The following LTBP1 variants were observed in gnomAD, a reference collection of about 807,000 sequenced individuals.
LTBP1 encodes the protein latent-transforming growth factor beta-binding protein 1.
In LTBP1, 129 loss-of-function variants were observed where a neutral mutation model predicts 207.6. The ratio of observed to expected loss-of-function variants is 0.62; its 90% CI spans 0.54 to 0.72. The LOEUF is 0.72. Among genes scored for constraint, LTBP1 ranks in the 30% least tolerant of loss-of-function variants. The pLI is 0.00. For synonymous variants in LTBP1, 963 were observed against 833.7 expected (o/e 1.16, Z -2.67); for missense variants, 2,281 against 2,217.2 (o/e 1.03, Z -0.58).
intron 32 of LTBP1, among the ~76,000 whole-genome samples, chr2:33,393,234 CTTTT>C (rs569734292): frequency 0.12 from 5,664 of 48,818 alleles, 132 homozygotes; most frequent in African/African-American, 0.16. Context: ...CCTTCTTCTT[CTTTT>C]TTTTTTTTTT....
intron 26 of LTBP1, among the ~76,000 whole-genome samples, chr2:33,351,282 A>G (rs1055111327): frequency 1.3e-5 from 2 of 152,200 alleles, no homozygotes; most frequent in African/African-American, 2.4e-5. Context: ...CCAGAGAAAC[A>G]TCTGAAATGT....
At chr2:33,264,126 G>A (rs2093104414) in intron 15 of LTBP1, among the ~76,000 whole-genome samples, 1 of 151,048 alleles carries the variant, frequency 6.6e-6, no homozygotes, top group South Asian at 2.1e-4. Context: ...CCTGGTGGCA[G>A]GCATCTGTAG....
chr2:33,176,051 T>C (rs1196881226), intron 5 of LTBP1, among the ~76,000 whole-genome samples: 1 of 151,300 alleles, frequency 6.6e-6, no homozygotes, highest in Admixed American at 6.6e-5. Flanking sequence ...ATATACCTAA[T>C]GCTAAATGAC....
intron 2 of LTBP1, among the ~76,000 whole-genome samples, chr2:32,988,899 T>G (rs2148825971): frequency 6.6e-6 from 1 of 152,168 alleles, no homozygotes; most frequent in Non-Finnish European, 1.5e-5. Flanking sequence ...TTGTTTTGGG[T>G]AATATTGCAT....
chr2:33,040,911 T>C (rs1341324635), intron 3 of LTBP1, among the ~76,000 whole-genome samples: 1 of 152,108 alleles, frequency 6.6e-6, no homozygotes, highest in Non-Finnish European at 1.5e-5. Context: ...CTCTTTACCA[T>C]TTGCTATGGA....
intron 2 of LTBP1, among the ~76,000 whole-genome samples, chr2:33,009,441 T>C (rs868659425): frequency 2.5e-4 from 38 of 152,142 alleles, no homozygotes; most frequent in African/African-American, 8.4e-4. Flanking sequence ...CCAGAGAGTG[T>C]GTATGTGTGA....
At chr2:33,039,369 G>A (rs2076076081) in intron 3 of LTBP1, among the ~76,000 whole-genome samples, 1 of 151,704 alleles carries the variant, frequency 6.6e-6, no homozygotes, top group Non-Finnish European at 1.5e-5. Context: ...TATTTTTTAA[G>A]CTGTAAATAC....
In LTBP1 at chr2:33,188,727, T is replaced by C. The variant is rs2087493332; in HGVS notation, c.1577T>C (p.Leu526Pro). 1 of 1,614,010 alleles carries C rather than the reference T, an allele frequency of 6.2e-7. No individual in the cohort carries two copies. The highest frequency in any genetic ancestry group is 1.1e-5 in the South Asian group (1 of 91,084). ...CAATCCCAAGTCTCGTACCAAGGGC[T>C]TCCTGTCCAGAAGACCCAGACCATA... ...PGQSQVSYQG[L>P]PVQKTQTIHS... The change falls in exon 7 of 34, where the codon CTT becomes CCT. Residue 526 changes from leucine to proline, a missense_variant. Leu to Pro is a moderately conservative substitution (Grantham distance 98). Transcript: ENST00000404816.
chr2:33,353,715 G>A (rs1460827157), intron 26 of LTBP1, among the ~76,000 whole-genome samples: 4 of 152,030 alleles, frequency 2.6e-5, no homozygotes, highest in African/African-American at 9.7e-5. Context: ...AATTAGAAGA[G>A]GTTAAATTAA....
chr2:33,021,816 T>G (rs543099569), intron 3 of LTBP1, among the ~76,000 whole-genome samples: 23 of 152,258 alleles, frequency 1.5e-4, no homozygotes, highest in African/African-American at 5.3e-4. Context: ...TGTTAGGAAG[T>G]AAGTGCTATT....
At chr2:32,976,187 G>A (rs964510762) in intron 2 of LTBP1, among the ~76,000 whole-genome samples, 1 of 152,184 alleles carries the variant, frequency 6.6e-6, no homozygotes. Context: ...CTGTGGGGCT[G>A]GTATGGGGCC....
intron 7 of LTBP1, among the ~76,000 whole-genome samples, chr2:33,210,504 G>A (rs1251900956): frequency 6.6e-6 from 1 of 151,834 alleles, no homozygotes; most frequent in Admixed American, 6.6e-5. Context: ...CAGTCTTTCT[G>A]TACTTACCAT....
rs762280103 is a variant in LTBP1, at chr2:33,186,965, C to A, written c.1311C>A (p.Ala437=). 4 of 1,614,090 alleles carry A rather than the reference C, an allele frequency of 2.5e-6. No individual in the cohort carries two copies. The South Asian group carries it at 4.4e-5, about 18-fold the overall frequency. The change falls in exon 6 of 34, where the codon GCC becomes GCA. Residue 437 remains alanine (A), a synonymous_variant. Transcript: ENST00000404816. ...GKLCQIPVHG[A]SVPKLYQHSQ... ...TTTGTCAGATCCCAGTCCATGGTGC[C>A]AGCGTGCCTAAACTTTATCAGCATT...
In LTBP1 at chr2:33,374,769, T is replaced by C. The variant is rs144647724; in HGVS notation, c.4711+9266T>C. 8.5e-4 allele frequency among the ~76,000 whole-genome samples: 130 copies of C among 152,268 alleles called. 1 individual carries two copies. Among genetic ancestry groups the C allele is most frequent in the African/African-American group, 2.7e-3 (113 of 41,532 alleles). On this transcript the variant is annotated intron_variant, in intron 31 of 33. Transcript: ENST00000404816. Reference sequence around the variant, plus strand: ...GAGTTCGAGACCAGCCTGGCCAATATGGTGAAACCTCATCTCTACTAAAAA... The same window carrying C: ...GAGTTCGAGACCAGCCTGGCCAATACGGTGAAACCTCATCTCTACTAAAAA...
chr2:32,948,491 A>G (rs1172128180), intron 1 of LTBP1, among the ~76,000 whole-genome samples: 19 of 152,190 alleles, frequency 1.2e-4, no homozygotes, highest in Non-Finnish European at 1.9e-4. Flanking sequence ...ATTCCAGGCC[A>G]TGTGCCCTCA....
intron 3 of LTBP1, among the ~76,000 whole-genome samples, chr2:33,038,850 G>T (rs1370053454): frequency 6.6e-6 from 1 of 151,938 alleles, no homozygotes; most frequent in Non-Finnish European, 1.5e-5. Flanking sequence ...TTTTTTGCCA[G>T]AGCCTCATCT....
intron 20 of LTBP1, among the ~76,000 whole-genome samples, chr2:33,294,167 G>A (rs896375512): frequency 4.0e-5 from 6 of 150,764 alleles, no homozygotes; most frequent in African/African-American, 1.2e-4. Context: ...CACCACGCCC[G>A]ACTAATTTTT....
At chr2:33,301,875 A>G (rs928400802) in intron 22 of LTBP1, among the ~76,000 whole-genome samples, 3 of 152,236 alleles carry the variant, frequency 2.0e-5, no homozygotes, top group African/African-American at 7.2e-5. Context: ...AGCCAAAGGC[A>G]TAAAAGAATC....
At chr2:33,153,171 G>A (rs1228985770) in intron 5 of LTBP1, among the ~76,000 whole-genome samples, 1 of 152,128 alleles carries the variant, frequency 6.6e-6, no homozygotes, top group East Asian at 1.9e-4. Context: ...TTTGGGCTCT[G>A]TTTTCCACTT....
Sources: allele counts gnomAD v4.1 joint callset (sites outside exome capture counted in the v4.1 genomes callset), GRCh38; gene constraint gnomAD v4.1.1; transcripts MANE v1.5; gene names NCBI Gene and HGNC (gene_info 2026-07-23, HGNC 2026-07-21).